GRIK4: variants seen among roughly 807,000 people sequenced by gnomAD.
GRIK4 encodes the protein glutamate ionotropic receptor kainate type subunit 4, also known as glutamate receptor ionotropic, kainate 4.
In GRIK4, 40 loss-of-function variants were observed where a neutral mutation model predicts 104.9. The observed-to-expected ratio is 0.38, with a 90% confidence interval of 0.30 to 0.50. The LOEUF (loss-of-function observed/expected upper bound fraction) is 0.50. GRIK4 is among the 20% of genes least tolerant of loss of function. The pLI is 0.93. For synonymous variants in GRIK4, 485 were observed against 524.9 expected, an observed-to-expected ratio of 0.92 and a Z score of 1.04; for missense variants, 1,047 against 1,308.1, an observed-to-expected ratio of 0.80 and a Z score of 3.08.
At chr11:120,787,294 A>C (rs903713582) in intron 3 of GRIK4, among the ~76,000 whole-genome samples, 1 of 152,106 alleles carries the variant, frequency 6.6e-6, no homozygotes. Context: ...GCACCACTGC[A>C]CTCCAGCCTG....
intron 1 of GRIK4, among the ~76,000 whole-genome samples, chr11:120,626,965 A>G (rs1253237917): frequency 6.6e-6 from 1 of 152,198 alleles, no homozygotes; most frequent in Non-Finnish European, 1.5e-5. Context: ...CCGGTTCCTT[A>G]TGTGCCAACT....
rs552190293 is a variant in GRIK4 at position 120,976,456 on chromosome 11, T to G, written c.2396-5650T>G. On this transcript the variant is annotated intron_variant, in intron 19 of 20. Coordinates refer to ENST00000527524, the MANE Select transcript of GRIK4 (RefSeq NM_014619.5). Reference sequence around the variant, plus strand: ...TTCTGGGAAGATCATGTAGGTCAGTTTATATCGGGGCACATAAAGTTGCTA... The same window carrying G: ...TTCTGGGAAGATCATGTAGGTCAGTGTATATCGGGGCACATAAAGTTGCTA... Among the ~76,000 whole-genome samples the G allele has an allele frequency of 3.9e-5, 6 of 152,330 alleles. 1 individual carries two copies. In the South Asian group the frequency reaches 1.0e-3, roughly 26 times the overall value.
chr11:120,554,708 G>A (rs769786688), intron 1 of GRIK4, among the ~76,000 whole-genome samples: 3 of 152,046 alleles, frequency 2.0e-5, no homozygotes, highest in African/African-American at 4.8e-5. Context: ...ACAGACGCCC[G>A]CCACCATGCC....
chr11:120,664,638 G>A (rs541655536), intron 3 of GRIK4, among the ~76,000 whole-genome samples: 1 of 152,240 alleles, frequency 6.6e-6, no homozygotes, highest in African/African-American at 2.4e-5. Flanking sequence ...ATGACCCCCT[G>A]GAAACATTTG....
chr11:120,965,439 C>T (rs1944367999), intron 18 of GRIK4, among the ~76,000 whole-genome samples: 2 of 152,232 alleles, frequency 1.3e-5, no homozygotes, highest in Non-Finnish European at 2.9e-5. Flanking sequence ...GTACTTGAAG[C>T]TCTGCTGGTG....
chr11:120,676,214 A>G (rs147515897), intron 3 of GRIK4, among the ~76,000 whole-genome samples: 2 of 152,276 alleles, frequency 1.3e-5, no homozygotes, highest in African/African-American at 4.8e-5. Context: ...TCGCCTCACA[A>G]GCTCACTGAG....
At chr11:120,743,542 A>G (rs1195072312) in intron 3 of GRIK4, among the ~76,000 whole-genome samples, 1 of 152,200 alleles carries the variant, frequency 6.6e-6, no homozygotes, top group East Asian at 1.9e-4. Flanking sequence ...TTACTTATGT[A>G]ACGAGCCTTC....
At chr11:120,845,726 A>G (rs1953835920) in intron 8 of GRIK4, among the ~76,000 whole-genome samples, 1 of 152,178 alleles carries the variant, frequency 6.6e-6, no homozygotes, top group Non-Finnish European at 1.5e-5. Flanking sequence ...CTAGTGCCAG[A>G]GCAATTGATT....
intron 11 of GRIK4, among the ~76,000 whole-genome samples, chr11:120,876,407 C>T: frequency 6.9e-6 from 1 of 144,266 alleles, no homozygotes; most frequent in African/African-American, 2.6e-5. Context: ...TCATCACAAC[C>T]ACCATTGTCA....
chr11:120,939,977 A>G lies in GRIK4; in HGVS notation c.1477-370A>G, dbSNP rs1033715534. Among the ~76,000 whole-genome samples, 6 of 150,942 alleles carry G rather than the reference A, an allele frequency of 4.0e-5. No individual in the cohort carries two copies. Among genetic ancestry groups the G allele is most frequent in the Non-Finnish European group, 8.8e-5 (6 of 67,834 alleles). The stretch of plus-strand genomic sequence containing the variant: ...CCTGGGCGACAGAGGGAGACCCTGT[A>G]TCCAGAAAAAAAAAAAAAAGTATTG... On this transcript the variant is annotated intron_variant, in intron 13 of 20. Transcript: ENST00000527524. This position sits in a 1 kb window ranked among gnomAD's most constrained non-coding sequence, Gnocchi z 5.6.
intron 3 of GRIK4, among the ~76,000 whole-genome samples, chr11:120,680,859 T>C (rs1591798445): frequency 6.6e-6 from 1 of 152,330 alleles, no homozygotes; most frequent in East Asian, 1.9e-4. Flanking sequence ...AGGGTCTCTC[T>C]CCAAGGACCC....
intron 1 of GRIK4, among the ~76,000 whole-genome samples, chr11:120,623,854 G>C (rs1008281266): frequency 6.6e-6 from 1 of 152,124 alleles, no homozygotes; most frequent in East Asian, 1.9e-4. Context: ...TGCAGCCTGC[G>C]TCCCATCCAG....
chr11:120,786,712 T>C (rs1952285080), intron 3 of GRIK4, among the ~76,000 whole-genome samples: 1 of 152,236 alleles, frequency 6.6e-6, no homozygotes, highest in Non-Finnish European at 1.5e-5. Flanking sequence ...CCACCTTCCT[T>C]ATCTTTGTCA....
At chr11:120,657,621 G>A (rs1479713465) in intron 2 of GRIK4, among the ~76,000 whole-genome samples, 2 of 152,232 alleles carry the variant, frequency 1.3e-5, no homozygotes, top group African/African-American at 2.4e-5. Context: ...CAACAGCAGA[G>A]GCAGGAAAAG....
chr11:120,802,986 G>A (rs1164850301), intron 4 of GRIK4, 129 bp downstream of exon 4: 2 of 835,832 alleles, frequency 2.4e-6, no homozygotes, highest in Non-Finnish European at 3.8e-6. Flanking sequence ...GGAAGGAGAG[G>A]AACTTGAACC....
rs553714488 is a variant in GRIK4, at chr11:120,785,967, A to G, written c.83-16726A>G. ...TTCCTTCCAACCCATCTCCAGAGCA[A>G]CTGCTTACTCAAGAGTGGCAGCTGC... On this transcript the variant is annotated intron_variant, in intron 3 of 20. Transcript: ENST00000527524. 2.6e-5 allele frequency among the ~76,000 whole-genome samples: 4 copies of G among 152,260 alleles called. No homozygotes were observed. In the South Asian group the frequency reaches 8.3e-4, roughly 32 times the overall value.
intron 3 of GRIK4, among the ~76,000 whole-genome samples, chr11:120,758,837 C>T (rs961435920): frequency 3.3e-5 from 5 of 152,108 alleles, no homozygotes; most frequent in East Asian, 1.9e-4. Context: ...ACTGGTATTC[C>T]GTGAAACATA....
chr11:120,873,160 C>T (rs1954661237), intron 9 of GRIK4: 1 of 152,360 alleles, frequency 6.6e-6, no homozygotes, highest in East Asian at 1.9e-4. Context: ...CATGGCAGGA[C>T]CCCTGCCATG....
intron 1 of GRIK4, among the ~76,000 whole-genome samples, chr11:120,586,793 C>T (rs1312615878): frequency 6.6e-6 from 1 of 152,120 alleles, no homozygotes. Flanking sequence ...CCCAGGGTGC[C>T]GAGAAACCTC....
Sources: allele counts gnomAD v4.1 joint callset (sites outside exome capture counted in the v4.1 genomes callset), GRCh38; gene constraint gnomAD v4.1.1; non-coding constraint Gnocchi (gnomAD v3.1); transcripts MANE v1.5; gene names NCBI Gene and HGNC (gene_info 2026-07-23, HGNC 2026-07-21).